MTARC1: variants seen among roughly 807,000 people sequenced by gnomAD.
MTARC1 encodes mitochondrial amidoxime-reducing component 1.
A neutral mutation model predicts 33.6 loss-of-function variants in MTARC1; 24 were observed. That is an observed-to-expected ratio of 0.72 (90% CI 0.52 to 1.01). MTARC1 has a LOEUF of 1.01. MTARC1 is among the 50% of genes least tolerant of loss of function. The probability of loss-of-function intolerance (pLI) is 0.00; values close to 1 mark genes in which losing one functional copy is unlikely to be tolerated. For synonymous variants in MTARC1, 187 were observed against 189.5 expected, an observed-to-expected ratio of 0.99 and a Z score of 0.11; for missense variants, 417 against 445.7, an observed-to-expected ratio of 0.94 and a Z score of 0.58.
At chr1:220,788,254 G>GGAGCC (rs1398341287) in intron 1 of MTARC1, among the ~76,000 whole-genome samples, 9 of 152,334 alleles carry the variant, frequency 5.9e-5, no homozygotes, top group Admixed American at 2.0e-4. Context: ...GCAAAACCCG[G>GGAGCC]GAGCCGGCAG....
intron 6 of MTARC1, among the ~76,000 whole-genome samples, chr1:220,806,022 G>C (rs1672958632): frequency 6.6e-6 from 1 of 152,142 alleles, no homozygotes; most frequent in African/African-American, 2.4e-5. Flanking sequence ...AAGGCTGAAA[G>C]GATATAAAAC....
At position 220,795,868 on chromosome 1, in the gene MTARC1, T is replaced by C. The variant is rs1027129591; in HGVS notation, c.450-775T>C. ...ACCACTAAACTGAAATTTCTCTCTG[T>C]GCAATTCACTGTTATTTAATGCTAT... is the stretch of plus-strand genomic sequence containing the variant. On this transcript the variant is annotated intron_variant, in intron 2 of 6. Transcript: ENST00000366910. Among the ~76,000 whole-genome samples, 34 of 152,214 alleles carry C rather than the reference T, an allele frequency of 2.2e-4. 1 individual carries two copies. Among genetic ancestry groups the C allele is most frequent in the East Asian group, 1.3e-3 (7 of 5,198 alleles).
rs969332178 is a variant in MTARC1 at position 220,816,529 on chromosome 1, T to C, written c.*3111T>C. 6.6e-6 allele frequency: 1 copy of C among 152,176 alleles called. No individual in the cohort carries two copies. Among genetic ancestry groups the C allele is most frequent in the Non-Finnish European group, 1.5e-5 (1 of 68,038 alleles). 9.4% of individuals were successfully genotyped at this position (152,176 alleles called of 1,614,324 possible). Reference sequence around the variant, plus strand: ...TTTGGAAAGTCCTGCGTGCCTCACTTCTCTTCAAAGGCAAAAGGCTCTGGA... The same window carrying C: ...TTTGGAAAGTCCTGCGTGCCTCACTCCTCTTCAAAGGCAAAAGGCTCTGGA... On this transcript the variant is annotated 3_prime_UTR_variant, in exon 7 of 7. Coordinates refer to ENST00000366910, the MANE Select transcript of MTARC1 (RefSeq NM_022746.4).
At chr1:220,807,110 G>A (rs1450444131) in intron 6 of MTARC1, among the ~76,000 whole-genome samples, 1 of 151,844 alleles carries the variant, frequency 6.6e-6, no homozygotes, top group Non-Finnish European at 1.5e-5. Context: ...TTTAAGATTG[G>A]TATATTTCAT....
intron 2 of MTARC1, among the ~76,000 whole-genome samples, chr1:220,792,308 G>A (rs1672450939): frequency 6.6e-6 from 1 of 152,144 alleles, no homozygotes; most frequent in African/African-American, 2.4e-5. Context: ...ATTCTTCTAG[G>A]AAAACTAGTT....
chr1:220,803,929 C>T (rs148277971), intron 4 of MTARC1, among the ~76,000 whole-genome samples: 2 of 152,180 alleles, frequency 1.3e-5, no homozygotes, highest in African/African-American at 4.8e-5. Context: ...TTATGATTTA[C>T]GATAGAACAA....
chr1:220,796,599 A>C (rs1167419155), intron 2 of MTARC1, 44 bp from the exon 3 acceptor site: 2 of 1,525,542 alleles, frequency 1.3e-6, no homozygotes, highest in East Asian at 5.0e-5. Context: ...GGGTGCATGG[A>C]TTTTCAAAGC....
chr1:220,790,162 G>A (rs997642730), intron 1 of MTARC1, among the ~76,000 whole-genome samples: 1 of 152,142 alleles, frequency 6.6e-6, no homozygotes, highest in African/African-American at 2.4e-5. Flanking sequence ...GTCTGTTTGA[G>A]TTCCTGTTTT....
chr1:220,799,939 A>G (rs557788342), intron 4 of MTARC1, among the ~76,000 whole-genome samples: 3 of 152,290 alleles, frequency 2.0e-5, no homozygotes, highest in South Asian at 4.1e-4. Flanking sequence ...AAGTTCTAGG[A>G]CATTAAGTAC....
Position 220,819,005 on chromosome 1 carries a change from G to A in MTARC1, c.*5587G>A, listed in dbSNP as rs372737370. 2 of 152,290 alleles carry A rather than the reference G, an allele frequency of 1.3e-5. No individual in the cohort carries two copies. Among genetic ancestry groups the A allele is most frequent in the East Asian group, 3.9e-4 (2 of 5,186 alleles). The allele number at this position is 152,290 out of a possible 1,614,324, so 9.4% of individuals were successfully genotyped here. ...AGCTACCGCGGATCTGAGCCCGTATGACTCATTTGCGAGCCATTCCTGTCG... is the reference window on the plus strand; with the variant it reads ...AGCTACCGCGGATCTGAGCCCGTATAACTCATTTGCGAGCCATTCCTGTCG... On this transcript the variant is annotated 3_prime_UTR_variant, in exon 7 of 7. Coordinates refer to ENST00000366910, the MANE Select transcript of MTARC1 (RefSeq NM_022746.4).
chr1:220,800,907 C>G (rs574395168), intron 4 of MTARC1, among the ~76,000 whole-genome samples: 1 of 152,262 alleles, frequency 6.6e-6, no homozygotes, highest in Non-Finnish European at 1.5e-5. Flanking sequence ...CCCCCCCACT[C>G]CCCTCTCTGC....
chr1:220,798,827 A>G (rs576703050), intron 4 of MTARC1: 1 of 983,150 alleles, frequency 1.0e-6, no homozygotes, highest in African/African-American at 1.7e-5. Flanking sequence ...TTTCCTCCAT[A>G]ACAGGGAAAA....
chr1:220,804,494 A>G (rs1018680364), intron 4 of MTARC1, among the ~76,000 whole-genome samples: 1 of 152,184 alleles, frequency 6.6e-6, no homozygotes, highest in African/African-American at 2.4e-5. Flanking sequence ...CCCAGCCCAC[A>G]GCTCCCCTGG....
rs1051511230 is a variant in MTARC1, at chr1:220,798,415, A to G, written c.753+401A>G. On this transcript the variant is annotated intron_variant, in intron 4 of 6. Coordinates refer to ENST00000366910, the MANE Select transcript of MTARC1 (RefSeq NM_022746.4). Reference sequence around the variant, plus strand: ...GCTCTCTTGGAGAAGACAGGCATTTACTGCAAGGCTGCTGGGTGAGGGTTG... The same window carrying G: ...GCTCTCTTGGAGAAGACAGGCATTTGCTGCAAGGCTGCTGGGTGAGGGTTG... The G allele has an allele frequency of 5.1e-6, 6 of 1,174,026 alleles. No homozygotes were observed. The African/African-American group carries it at 6.4e-5, about 13-fold the overall frequency. 72.7% of individuals were successfully genotyped at this position (1,174,026 alleles called of 1,614,324 possible).
chr1:220,792,444 A>G (rs959477172), intron 2 of MTARC1, among the ~76,000 whole-genome samples: 3 of 152,246 alleles, frequency 2.0e-5, no homozygotes, highest in Non-Finnish European at 4.4e-5. Context: ...AATGTAGTTT[A>G]TAGCCTATCA....
rs369592621 is a variant in MTARC1, at chr1:220,788,777, G to A, written c.275+1558G>A. 7.1e-5 allele frequency among the ~76,000 whole-genome samples: 10 copies of A among 140,076 alleles called. No homozygotes were observed. The East Asian group carries it at 1.3e-3, about 18-fold the overall frequency. The allele number at this position is 140,076 out of a possible 152,430, so 91.9% of individuals were successfully genotyped here. On this transcript the variant is annotated intron_variant, in intron 1 of 6. Transcript: ENST00000366910. The stretch of plus-strand genomic sequence containing the variant: ...CTCGCCACTGCACTCCAGTCTGAGC[G>A]ACAGAGTGAGACTAAGTCTCAAAAA...
chr1:220,792,605 T>G (rs1672459698), intron 2 of MTARC1, among the ~76,000 whole-genome samples: 1 of 151,238 alleles, frequency 6.6e-6, no homozygotes, highest in Non-Finnish European at 1.5e-5. Flanking sequence ...GCTTTTCAGA[T>G]TAGAAAAGTG....
At chr1:220,788,797 C>CAAA (rs34563265) in intron 1 of MTARC1, among the ~76,000 whole-genome samples, 5 of 140,248 alleles carry the variant, frequency 3.6e-5, no homozygotes, top group Non-Finnish European at 6.1e-5. Context: ...GACTAAGTCT[C>CAAA]AAAAAAAAAA....
intron 2 of MTARC1, 92 bp downstream of exon 2, chr1:220,791,756 A>G (rs888025891): frequency 1.6e-5 from 22 of 1,385,614 alleles, no homozygotes; most frequent in Non-Finnish European, 2.1e-5. Context: ...TGAGAAACAT[A>G]TCAATAATGA....
Sources: allele counts gnomAD v4.1 joint callset (sites outside exome capture counted in the v4.1 genomes callset), GRCh38; gene constraint gnomAD v4.1.1; transcripts MANE v1.5; gene names NCBI Gene and HGNC (gene_info 2026-07-23, HGNC 2026-07-21).